The following CTNNA3 variants were observed in gnomAD, a reference collection of about 807,000 sequenced individuals.
The protein encoded by CTNNA3 is catenin alpha 3.
CTNNA3 carries 76 observed loss-of-function variants against 95.7 expected under a neutral mutation model. That is an observed-to-expected ratio of 0.79 (90% CI 0.66 to 0.96). CTNNA3 has a LOEUF of 0.96. Ranked by LOEUF, CTNNA3 falls within the 40% of genes least tolerant of loss-of-function variation. The pLI, the probability that CTNNA3 is intolerant of heterozygous loss-of-function variation, is 0.00. For synonymous variants in CTNNA3, 431 were observed against 374.4 expected (o/e 1.15, Z -1.74); for missense variants, 1,191 against 1,089.8 (o/e 1.09, Z -1.31).
intron 5 of CTNNA3, among the ~76,000 whole-genome samples, chr10:67,376,158 A>C (rs1472639591): frequency 6.6e-6 from 1 of 152,200 alleles, no homozygotes; most frequent in East Asian, 1.9e-4. Context: ...TTGTTACAGC[A>C]GACCAAATGG....
chr10:66,353,342 T>C (rs1281114746), intron 12 of CTNNA3, among the ~76,000 whole-genome samples: 1 of 152,018 alleles, frequency 6.6e-6, no homozygotes, highest in Non-Finnish European at 1.5e-5. Flanking sequence ...TGGGCACAAT[T>C]GTAAATTCAG....
At chr10:65,957,746 G>T (rs959175261) in intron 17 of CTNNA3, among the ~76,000 whole-genome samples, 3 of 152,174 alleles carry the variant, frequency 2.0e-5, no homozygotes, top group Non-Finnish European at 2.9e-5. Flanking sequence ...AGTTTCTGCC[G>T]AGAGATCTGC....
chr10:66,803,086 A>C (rs1841494067), intron 7 of CTNNA3, among the ~76,000 whole-genome samples: 1 of 152,066 alleles, frequency 6.6e-6, no homozygotes, highest in Admixed American at 6.6e-5. Flanking sequence ...GTAACATTTA[A>C]GATCTCTGCA....
intron 15 of CTNNA3, among the ~76,000 whole-genome samples, chr10:65,996,615 C>T (rs1466514741): frequency 2.0e-5 from 3 of 152,234 alleles, no homozygotes; most frequent in Non-Finnish European, 4.4e-5. Flanking sequence ...TCTGGAGCGA[C>T]GCCATTACAC....
rs538890633 is a variant in CTNNA3, at chr10:66,552,930, G to A, written c.1375-32157C>T. 2.6e-5 allele frequency among the ~76,000 whole-genome samples: 4 copies of A among 151,664 alleles called. No homozygotes were observed. The South Asian group carries it at 8.3e-4, about 32-fold the overall frequency. On this transcript the variant is annotated intron_variant, in intron 10 of 17. Coordinates refer to ENST00000433211, the MANE Select transcript of CTNNA3 (RefSeq NM_013266.4). Reference sequence around the variant, plus strand: ...TTCTGTTCAAAAATCTATTTTCTCTGATAGTTGATAAGTATTTTAAAAATA... The same window carrying A: ...TTCTGTTCAAAAATCTATTTTCTCTAATAGTTGATAAGTATTTTAAAAATA...
intron 3 of CTNNA3, among the ~76,000 whole-genome samples, chr10:67,577,702 A>ATGTG (rs112856846): frequency 1.2e-3 from 176 of 149,398 alleles, no homozygotes; most frequent in South Asian, 8.7e-3. Flanking sequence ...ATACACACAT[A>ATGTG]TGTGTGTGTG....
At chr10:67,316,331 G>A (rs1431751319) in intron 5 of CTNNA3, among the ~76,000 whole-genome samples, 5 of 152,088 alleles carry the variant, frequency 3.3e-5, no homozygotes, top group East Asian at 1.9e-4. Context: ...GTTTTTCTGC[G>A]TTCTTATTTT....
At chr10:66,262,601 A>G (rs968631638) in intron 13 of CTNNA3, among the ~76,000 whole-genome samples, 9 of 151,916 alleles carry the variant, frequency 5.9e-5, no homozygotes, top group Admixed American at 4.6e-4. Flanking sequence ...TTGCAAAACC[A>G]AAGATACATA....
chr10:67,727,828 T>A (rs1464228491), intron 1 of CTNNA3, among the ~76,000 whole-genome samples: 1 of 129,774 alleles, frequency 7.7e-6, no homozygotes, highest in Non-Finnish European at 1.5e-5. Flanking sequence ...TATATTATAT[T>A]ACATATAATA....
At chr10:67,274,050 T>C (rs1385862764) in intron 5 of CTNNA3, among the ~76,000 whole-genome samples, 1 of 152,008 alleles carries the variant, frequency 6.6e-6, no homozygotes. Flanking sequence ...TGCCATAAAT[T>C]TACTATAAAA....
rs982957319 is a variant in CTNNA3, at chr10:67,417,613, G to C, written c.579+104229C>G. ...GGAAATAACTCTAAGACAAAAGATA[G>C]GGTTGTCACATGTTGTAAATATAAT... On this transcript the variant is annotated intron_variant, in intron 5 of 17. Coordinates refer to ENST00000433211, the MANE Select transcript of CTNNA3 (RefSeq NM_013266.4). Among the ~76,000 whole-genome samples the C allele has an allele frequency of 4.0e-5, 6 of 151,744 alleles. No homozygotes were observed. The South Asian group carries it at 6.3e-4, about 16-fold the overall frequency.
At chr10:67,380,008 G>A (rs1277020985) in intron 5 of CTNNA3, among the ~76,000 whole-genome samples, 3 of 114,098 alleles carry the variant, frequency 2.6e-5, no homozygotes, top group African/African-American at 9.9e-5. Flanking sequence ...GCGACAGAGT[G>A]AGACTCCGTC....
chr10:66,006,358 G>A (rs938172383), intron 15 of CTNNA3, among the ~76,000 whole-genome samples: 3 of 151,796 alleles, frequency 2.0e-5, no homozygotes, highest in African/African-American at 7.3e-5. Context: ...AGTTACCCCT[G>A]CAATGTCCTC....
intron 10 of CTNNA3, among the ~76,000 whole-genome samples, chr10:66,549,781 T>G (rs907677071): frequency 6.6e-6 from 1 of 152,196 alleles, no homozygotes; most frequent in Non-Finnish European, 1.5e-5. Context: ...ATATTGGGTG[T>G]TTTCTTAGAT....
At chr10:66,543,123 G>A (rs1289251237) in intron 10 of CTNNA3, among the ~76,000 whole-genome samples, 2 of 151,940 alleles carry the variant, frequency 1.3e-5, no homozygotes, top group Non-Finnish European at 1.5e-5. Flanking sequence ...TTTTCTTGCT[G>A]TGCTGCCCAG....
chr10:66,890,451 C>T (rs1231572884), intron 7 of CTNNA3, among the ~76,000 whole-genome samples: 1 of 150,616 alleles, frequency 6.6e-6, no homozygotes, highest in Non-Finnish European at 1.5e-5. Flanking sequence ...GCTAGGAGGG[C>T]AAGAAAGGAG....
intron 15 of CTNNA3, among the ~76,000 whole-genome samples, chr10:66,029,545 C>T (rs2079409895): frequency 6.6e-6 from 1 of 152,202 alleles, no homozygotes; most frequent in African/African-American, 2.4e-5. Flanking sequence ...ACTGATCACA[C>T]TACTTAAAAT....
At chr10:66,861,863 A>G (rs754826904) in intron 7 of CTNNA3, among the ~76,000 whole-genome samples, 6 of 152,192 alleles carry the variant, frequency 3.9e-5, no homozygotes, top group Non-Finnish European at 8.8e-5. Context: ...ATGTATGTAT[A>G]TCTCACATTC....
At chr10:66,626,115 A>G (rs1844926464) in intron 9 of CTNNA3, among the ~76,000 whole-genome samples, 1 of 152,138 alleles carries the variant, frequency 6.6e-6, no homozygotes, top group African/African-American at 2.4e-5. Flanking sequence ...GTATGTTTTA[A>G]CGTTCTAGTA....
Sources: gnomAD v4.1 joint callset for allele counts (sites outside exome capture counted in the v4.1 genomes callset) on GRCh38, gnomAD v4.1.1 for gene constraint, MANE v1.5 for transcripts, NCBI Gene and HGNC (gene_info 2026-07-23, HGNC 2026-07-21) for gene names.